The following VPS13C variants were observed in gnomAD, a reference collection of about 807,000 sequenced individuals.
VPS13C encodes vacuolar protein sorting 13 homolog C.
Under a neutral mutation model 456.8 loss-of-function variants are expected in VPS13C, and 358 were observed. The ratio of observed to expected loss-of-function variants is 0.78; its 90% CI spans 0.72 to 0.86. VPS13C has a LOEUF of 0.86. VPS13C is among the 40% of genes least tolerant of loss of function. VPS13C has a pLI of 0.00. For missense variants in VPS13C, 4,818 were observed against 4,385.4 expected (o/e 1.10, Z -2.79); for synonymous variants, 1,578 against 1,486.7 (o/e 1.06, Z -1.41).
intron 9 of VPS13C, among the ~76,000 whole-genome samples, chr15:62,018,022 C>T (rs2047320387): frequency 6.6e-6 from 1 of 152,076 alleles, no homozygotes; most frequent in South Asian, 2.1e-4. Flanking sequence ...AGTTGGATTC[C>T]TAGGTATTTT....
At chr15:61,878,830 C>A in intron 73 of VPS13C, 84 bp from the exon 74 acceptor site, 9 of 1,414,912 alleles carry the variant, frequency 6.4e-6, no homozygotes, top group Non-Finnish European at 8.4e-6. Flanking sequence ...AGAAACAAAC[C>A]AAAAAAAGTC....
chr15:62,060,069 G>C (rs1013566874), intron 1 of VPS13C, among the ~76,000 whole-genome samples: 3 of 152,172 alleles, frequency 2.0e-5, no homozygotes, highest in East Asian at 3.9e-4. Flanking sequence ...GCGCGGGCGG[G>C]ATCCCGCCGC....
At chr15:62,046,613 A>G (rs2048410864) in intron 1 of VPS13C, among the ~76,000 whole-genome samples, 1 of 152,214 alleles carries the variant, frequency 6.6e-6, no homozygotes, top group African/African-American at 2.4e-5. Flanking sequence ...TGTTCTACCT[A>G]GTCATTCCCA....
intron 1 of VPS13C, among the ~76,000 whole-genome samples, chr15:62,045,264 G>C (rs1596528864): frequency 7.9e-6 from 1 of 126,402 alleles, no homozygotes. Flanking sequence ...AGTAACTGCA[G>C]TTTTTGCCAT....
Position 61,929,525 on chromosome 15 carries a change from T to G in VPS13C, c.6262A>C (p.Thr2088Pro). 6.2e-7 allele frequency: 1 copy of G among 1,614,120 alleles called. No homozygotes were observed. Among genetic ancestry groups the G allele is most frequent in the Non-Finnish European group, 8.5e-7 (1 of 1,179,994 alleles). ...ETQILPRQTATGKVKIEKDDS... is the reference protein window; with the variant it reads ...ETQILPRQTAPGKVKIEKDDS... The stretch of plus-strand genomic sequence containing the variant: ...CCTTTCTCTATCTTGACCTTCCCTG[T>G]GGCAGTCTGTCTTGGTAAAATCTGT... The change falls in exon 51 of 85, where the codon ACA (threonine) becomes CCA (proline). Residue 2088 changes from threonine (T) to proline (P), a missense_variant. By Grantham distance (38) the Thr-to-Pro change is conservative. Coordinates refer to ENST00000644861, the MANE Select transcript of VPS13C (RefSeq NM_020821.3).
intron 74 of VPS13C, 98 bp from the exon 75 acceptor site, chr15:61,877,152 T>G (rs1895484753): frequency 5.0e-6 from 4 of 804,608 alleles, no homozygotes; most frequent in Non-Finnish European, 5.8e-6. Flanking sequence ...TCATAGCCAA[T>G]TCTTTCACAA....
intron 66 of VPS13C, among the ~76,000 whole-genome samples, chr15:61,904,331 C>T (rs1028465920): frequency 2.0e-5 from 3 of 148,300 alleles, no homozygotes; most frequent in South Asian, 2.1e-4. Context: ...GATTTAAAAA[C>T]GGGCAAAAGA....
chr15:61,901,092 C>G (rs2042982415), intron 66 of VPS13C, among the ~76,000 whole-genome samples: 1 of 151,212 alleles, frequency 6.6e-6, no homozygotes, highest in African/African-American at 2.4e-5. Context: ...TTCCTTACAC[C>G]TTATACAAAA....
At position 61,964,873 on chromosome 15, in the gene VPS13C, T is replaced by G; in HGVS notation, c.3052-12A>C. The stretch of plus-strand genomic sequence containing the variant: ...GATGAAAAGGCCACCTAAAAATGTT[T>G]TAAAGAGAAAATTAGTTTTCCACAG... On this transcript the variant is annotated splice_polypyrimidine_tract_variant and intron_variant, in intron 30 of 84. Transcript: ENST00000644861. 6.3e-7 allele frequency: 1 copy of G among 1,592,472 alleles called. No individual in the cohort carries two copies. The highest frequency in any genetic ancestry group is 8.5e-7 in the Non-Finnish European group (1 of 1,172,796).
chr15:61,969,839 TTTAAG>T (rs1247301314), intron 27 of VPS13C, among the ~76,000 whole-genome samples: 1 of 152,198 alleles, frequency 6.6e-6, no homozygotes, highest in Non-Finnish European at 1.5e-5. Flanking sequence ...CATACTACTA[TTTAAG>T]TTAACTCTGG....
intron 54 of VPS13C, 147 bp from the exon 55 acceptor site, chr15:61,922,180 C>T (rs2043680061): frequency 1.9e-6 from 2 of 1,044,578 alleles, no homozygotes; most frequent in South Asian, 3.3e-5. Flanking sequence ...GTGTATTTTC[C>T]TTTACTCTCT....
chr15:62,004,809 G>T, intron 15 of VPS13C, among the ~76,000 whole-genome samples: 1 of 151,884 alleles, frequency 6.6e-6, no homozygotes, highest in Non-Finnish European at 1.5e-5. Context: ...AGGTTGTTCA[G>T]TTTCCATGTA....
chr15:62,055,362 G>A (rs965937768), intron 1 of VPS13C, among the ~76,000 whole-genome samples: 8 of 151,470 alleles, frequency 5.3e-5, no homozygotes, highest in African/African-American at 1.2e-4. Context: ...AGAGTAACTG[G>A]GACTACAGGC....
Position 61,983,188 on chromosome 15 carries a change from C to A in VPS13C, c.1915-615G>T, listed in dbSNP as rs571411349. Among the ~76,000 whole-genome samples, 7 of 152,100 alleles carry A rather than the reference C, an allele frequency of 4.6e-5. 1 individual carries two copies. In the South Asian group the frequency reaches 1.5e-3, roughly 32 times the overall value. On this transcript the variant is annotated intron_variant, in intron 20 of 84. Transcript: ENST00000644861. ...TCTTTATATGCTGTCCCCCCACCCA[C>A]ACACACACACTTTATTTAGCTTTCA...
intron 4 of VPS13C, among the ~76,000 whole-genome samples, chr15:62,034,247 G>A (rs1006875961): frequency 3.8e-4 from 57 of 151,552 alleles, no homozygotes; most frequent in African/African-American, 1.3e-3. Flanking sequence ...TATAATAAAA[G>A]GCCAAGTCAA....
At chr15:61,862,817 A>T (rs927611828) in intron 82 of VPS13C, among the ~76,000 whole-genome samples, 1 of 152,146 alleles carries the variant, frequency 6.6e-6, no homozygotes, top group African/African-American at 2.4e-5. Flanking sequence ...TCTAATGCAG[A>T]TTTTGCCACT....
chr15:62,060,014 G>A (rs1384213202), intron 1 of VPS13C, among the ~76,000 whole-genome samples: 1 of 152,234 alleles, frequency 6.6e-6, no homozygotes, highest in African/African-American at 2.4e-5. Flanking sequence ...GGACAGCAGG[G>A]CCAGGGCTTG....
intron 82 of VPS13C, among the ~76,000 whole-genome samples, chr15:61,862,678 G>A (rs1350827553): frequency 6.6e-6 from 1 of 152,070 alleles, no homozygotes; most frequent in African/African-American, 2.4e-5. Context: ...CTTAACTAAT[G>A]AGCAAATCAC....
chr15:61,874,748 C>T, intron 77 of VPS13C, 128 bp downstream of exon 77: 1 of 795,154 alleles, frequency 1.3e-6, no homozygotes, highest in Non-Finnish European at 1.8e-6. Context: ...GGAAACATGT[C>T]TTTTAAAAGG....
Sources: allele counts gnomAD v4.1 joint callset (sites outside exome capture counted in the v4.1 genomes callset), GRCh38; gene constraint gnomAD v4.1.1; transcripts MANE v1.5; gene names NCBI Gene and HGNC (gene_info 2026-07-23, HGNC 2026-07-21).